IFITM10: variants seen among roughly 807,000 people sequenced by gnomAD.
The protein encoded by IFITM10 is interferon induced transmembrane protein 10, also known as interferon-induced transmembrane protein 10.
IFITM10 carries 17 observed loss-of-function variants against 19.0 expected under a neutral mutation model. That is an observed-to-expected ratio of 0.90 (90% CI 0.61 to 1.34). The LOEUF (loss-of-function observed/expected upper bound fraction) is 1.34, where lower values mean the gene tolerates loss of function less well. IFITM10 is among the 40% of genes most tolerant of loss of function. The probability of loss-of-function intolerance (pLI) is 0.00; values close to 1 mark genes in which losing one functional copy is unlikely to be tolerated. For synonymous variants in IFITM10, 148 were observed against 147.2 expected, an observed-to-expected ratio of 1.01 and a Z score of -0.04; for missense variants, 306 against 319.8, an observed-to-expected ratio of 0.96 and a Z score of 0.33.
chr11:1,748,169 C>A (rs1845672896), intron 1 of IFITM10, 50 bp from the exon 2 acceptor site: 1 of 1,239,026 alleles, frequency 8.1e-7, no homozygotes, highest in African/African-American at 1.6e-5. Flanking sequence ...CCGGCCAGCA[C>A]CCACCCTCAC....
chr11:1,747,735 A>G lies in IFITM10; in HGVS notation c.469T>C (p.Ser157Pro). 1 of 1,551,796 alleles carries G rather than the reference A, an allele frequency of 6.4e-7. No homozygotes were observed. The highest frequency in any genetic ancestry group is 8.7e-7 in the Non-Finnish European group (1 of 1,147,002). ...TTEVNDYYLW[S>P]IFNFVYLNFC... ...TTGAGGTAGACGAAGTTGAAGATGG[A>G]CCACAGGTAATAGTCGTTCACCTCG... The change falls in exon 2 of 3, where the codon TCC becomes CCC. Residue 157 changes from serine to proline, a missense_variant. By Grantham distance (74) the Ser-to-Pro change is moderately conservative. Coordinates refer to ENST00000340134, the MANE Select transcript of IFITM10 (RefSeq NM_001170820.4).
chr11:1,743,931 C>T (rs567463417), intron 2 of IFITM10, among the ~76,000 whole-genome samples: 4 of 152,284 alleles, frequency 2.6e-5, no homozygotes, highest in South Asian at 2.1e-4. Context: ...ACCCGTTCAC[C>T]GCACTGCCTC....
At chr11:1,743,630 C>T (rs1845598944) in intron 2 of IFITM10, among the ~76,000 whole-genome samples, 1 of 152,088 alleles carries the variant, frequency 6.6e-6, no homozygotes, top group South Asian at 2.1e-4. Context: ...GCAGAACCCA[C>T]CCACCTAACC....
intron 2 of IFITM10, among the ~76,000 whole-genome samples, chr11:1,747,242 T>C (rs377636226): frequency 9.9e-5 from 15 of 152,070 alleles, no homozygotes; most frequent in African/African-American, 3.6e-4. Flanking sequence ...TTCCTTTCCA[T>C]AGGGGTAGGA....
chr11:1,745,925 CCACA>C (rs1303397414), intron 2 of IFITM10: 4 of 132,320 alleles, frequency 3.0e-5, no homozygotes, highest in Admixed American at 2.9e-4. Context: ...CAGGCACACC[CCACA>C]CACACTTGTG....
At chr11:1,746,670 G>A (rs1039852649) in intron 2 of IFITM10, 2 of 398,560 alleles carry the variant, frequency 5.0e-6, no homozygotes, top group Non-Finnish European at 8.8e-6. Context: ...AGGCGAAGCT[G>A]GCCAGGCGTC....
At chr11:1,741,993 T>A (rs535106901) in intron 2 of IFITM10, among the ~76,000 whole-genome samples, 2 of 152,318 alleles carry the variant, frequency 1.3e-5, no homozygotes, top group African/African-American at 4.8e-5. Context: ...CACCCTGATC[T>A]CAGACTTCGA....
chr11:1,735,559 G>A (rs1851078353), intron 2 of IFITM10, 130 bp from the exon 3 acceptor site: 8 of 829,416 alleles, frequency 9.6e-6, no homozygotes, highest in East Asian at 8.1e-5. Flanking sequence ...GAGAGCTGAC[G>A]AATGAACGAT....
chr11:1,744,803 G>A (rs1037853505), intron 2 of IFITM10: 11 of 152,520 alleles, frequency 7.2e-5, no homozygotes, highest in Admixed American at 6.5e-4. Flanking sequence ...GAGGGAACAG[G>A]GGCTCAGTGA....
Position 1,747,976 on chromosome 11 carries a change from G to C in IFITM10, c.228C>G (p.Cys76Trp), listed in dbSNP as rs1207178235. 4.1e-6 allele frequency: 6 copies of C among 1,454,760 alleles called. No individual in the cohort carries two copies. The highest frequency in any genetic ancestry group is 5.4e-6 in the Non-Finnish European group (6 of 1,103,998). The allele number at this position is 1,454,760 out of a possible 1,614,324, so 90.1% of individuals were successfully genotyped here. A position where few individuals can be genotyped will look rare whatever the true frequency, so the allele number is the denominator to read the frequency against. Residue 76 changes from cysteine (C) to tryptophan (W), a missense_variant, in exon 2 of 3, where the codon TGC (cysteine) becomes TGG (tryptophan). Transcript: ENST00000340134. ...CCTGCAGGGCAGGGGGCTTGGACAC[G>C]CAAGCGAAGCAGCCCTTGGGCGAAC... ...PAGSPKGCFA[C>W]VSKPPALQAP...
In IFITM10 at chr11:1,747,994, G is replaced by C; in HGVS notation, c.210C>G (p.Pro70=). ...TGGACACGCAAGCGAAGCAGCCCTT[G>C]GGCGAACCTGCCGGGGGCCTCGGAA... is the stretch of plus-strand genomic sequence containing the variant. ...FWIPRPPAGS[P]KGCFACVSKP... Residue 70 remains proline (P), a synonymous_variant, in exon 2 of 3, where the codon CCC becomes CCG. Coordinates refer to ENST00000340134, the MANE Select transcript of IFITM10 (RefSeq NM_001170820.4). 4 of 1,444,734 alleles carry C rather than the reference G, an allele frequency of 2.8e-6. No individual in the cohort carries two copies. Among genetic ancestry groups the C allele is most frequent in the Non-Finnish European group, 1.8e-6 (2 of 1,100,304 alleles). The allele number at this position is 1,444,734 out of a possible 1,614,324, so 89.5% of individuals were successfully genotyped here.
chr11:1,736,798 G>C (rs1851092053), intron 2 of IFITM10, among the ~76,000 whole-genome samples: 1 of 149,040 alleles, frequency 6.7e-6, no homozygotes, highest in Non-Finnish European at 1.5e-5. Context: ...ATGGAGTGGA[G>C]TGAATGGAAC....
At chr11:1,746,700 T>C (rs1845654445) in intron 2 of IFITM10, 2 of 398,562 alleles carry the variant, frequency 5.0e-6, no homozygotes, top group Admixed American at 4.4e-5. Context: ...AGCCAGCCTC[T>C]GCCCAGCCTC....
intron 2 of IFITM10, among the ~76,000 whole-genome samples, chr11:1,738,448 G>A (rs576282716): frequency 1.8e-4 from 28 of 152,300 alleles, no homozygotes; most frequent in African/African-American, 6.7e-4. Context: ...TGCTGGGTGG[G>A]GTAACAGGTG....
chr11:1,748,207 T>C, intron 1 of IFITM10, 88 bp from the exon 2 acceptor site: 8 of 1,017,000 alleles, frequency 7.9e-6, no homozygotes, highest in Non-Finnish European at 1.0e-5. Flanking sequence ...ACAGCCCCAG[T>C]GGAGACGGAA....
intron 2 of IFITM10, among the ~76,000 whole-genome samples, chr11:1,741,633 G>A (rs979673406): frequency 6.6e-6 from 1 of 152,134 alleles, no homozygotes; most frequent in African/African-American, 2.4e-5. Context: ...AAAGAGCAGG[G>A]GTGGGCAGAT....
intron 2 of IFITM10, among the ~76,000 whole-genome samples, chr11:1,737,833 C>A (rs903323197): frequency 1.3e-5 from 2 of 152,096 alleles, no homozygotes; most frequent in South Asian, 2.1e-4. Context: ...TATTGATTTT[C>A]TTATATCAAG....
chr11:1,749,609 G>A (rs1457307528), intron 1 of IFITM10, among the ~76,000 whole-genome samples: 2 of 151,748 alleles, frequency 1.3e-5, no homozygotes, highest in Non-Finnish European at 2.9e-5. Context: ...TGCCCTTCTG[G>A]CCTGTTGACT....
At chr11:1,745,362 G>GCAGCTT (rs1191731044) in intron 2 of IFITM10, 1 of 152,296 alleles carries the variant, frequency 6.6e-6, no homozygotes, top group African/African-American at 2.4e-5. Context: ...TCCACCAGCT[G>GCAGCTT]CAGCTTCAGC....
Sources: allele counts gnomAD v4.1 joint callset (sites outside exome capture counted in the v4.1 genomes callset), GRCh38; gene constraint gnomAD v4.1.1; transcripts MANE v1.5; gene names NCBI Gene and HGNC (gene_info 2026-07-23, HGNC 2026-07-21).